The following MYH9 variants were observed in gnomAD, a reference collection of about 807,000 sequenced individuals.
The protein encoded by MYH9 is myosin heavy chain 9, also known as myosin-9.
Under a neutral mutation model 241.9 loss-of-function variants are expected in MYH9, and 29 were observed. That is an observed-to-expected ratio of 0.12 (90% confidence interval 0.09 to 0.16). The LOEUF (loss-of-function observed/expected upper bound fraction) is 0.16, where lower values mean the gene tolerates loss of function less well. Ranked by LOEUF, MYH9 falls within the 10% of genes least tolerant of loss-of-function variation. MYH9 has a pLI of 1.00. For missense variants in MYH9, 1,803 were observed against 2,595.5 expected, an observed-to-expected ratio of 0.69 and a Z score of 6.63; for synonymous variants, 1,047 against 1,062.6, an observed-to-expected ratio of 0.99 and a Z score of 0.29.
Position 36,329,975 on chromosome 22 carries a change from AAC to A in MYH9, c.491-2489_491-2488del, listed in dbSNP as rs1163011993. Among the ~76,000 whole-genome samples, 1 of 152,266 alleles carries A rather than the reference AAC, an allele frequency of 6.6e-6. No individual in the cohort carries two copies. The highest frequency in any genetic ancestry group is 2.4e-5 in the African/African-American group (1 of 41,460). ...ATGCATATCCACAAGCACAAGTGCA[AAC>A]ACAGGCACGCAAGGCACATGTATTC... On this transcript the variant is annotated intron_variant, in intron 3 of 40. Transcript: ENST00000216181. The surrounding 1 kb of genome is among the most constrained non-coding windows in gnomAD (Gnocchi z 4.1).
chr22:36,360,854 C>G (rs1056219101), intron 1 of MYH9, among the ~76,000 whole-genome samples: 6 of 152,318 alleles, frequency 3.9e-5, no homozygotes, highest in Non-Finnish European at 8.8e-5. Context: ...GGCAGAAGAG[C>G]TGGATTTGAG....
chr22:36,301,846 G>C, intron 20 of MYH9, 181 bp from the exon 21 acceptor site: 1 of 713,560 alleles, frequency 1.4e-6, no homozygotes, highest in Non-Finnish European at 2.4e-6. Flanking sequence ...CTTCTGACCC[G>C]CTAACTACAT....
chr22:36,293,452 C>T lies in MYH9; in HGVS notation c.3972G>A (p.Lys1324=), dbSNP rs1244606197. The change falls in exon 30 of 41, where the codon AAG becomes AAA. Residue 1324 remains lysine (K), a synonymous_variant. Coordinates refer to ENST00000216181, the MANE Select transcript of MYH9 (RefSeq NM_002473.6). The surrounding 1 kb of genome is among the most constrained non-coding windows in gnomAD (Gnocchi z 5.1). ...QELLQEENRQ[K]LSLSTKLKQV... ...GCTTGAGCTTGGTGCTCAGGCTCAG[C>T]TTCTGCCGGTTCTCCTCCTGCAGCA... 3 of 1,613,578 alleles carry T rather than the reference C, an allele frequency of 1.9e-6. No individual in the cohort carries two copies. The highest frequency in any genetic ancestry group is 2.5e-6 in the Non-Finnish European group (3 of 1,180,034).
Position 36,288,845 on chromosome 22 carries a change from G to C in MYH9, c.4652C>G (p.Thr1551Ser). The C allele has an allele frequency of 6.2e-7, 1 of 1,613,676 alleles. No homozygotes were observed. Among genetic ancestry groups the C allele is most frequent in the Non-Finnish European group, 8.5e-7 (1 of 1,179,948 alleles). The change falls in exon 33 of 41, where the codon ACC (threonine) becomes AGC (serine). Residue 1551 changes from threonine to serine, a missense_variant. Thr to Ser is a moderately conservative substitution (Grantham distance 58). Transcript: ENST00000216181. The surrounding 1 kb of genome is among the most constrained non-coding windows in gnomAD (Gnocchi z 4.8). Reference sequence around the variant, plus strand: ...CTCCAACCGCAGCTTGGCATCTTCGGTGGCCTGCAGCTCGTCCTCCAGCTC... The same window carrying C: ...CTCCAACCGCAGCTTGGCATCTTCGCTGGCCTGCAGCTCGTCCTCCAGCTC... ...LEELEDELQA[T>S]EDAKLRLEVN...
intron 5 of MYH9, among the ~76,000 whole-genome samples, 181 bp from the exon 6 acceptor site, chr22:36,322,702 G>A (rs2017274379): frequency 1.3e-5 from 2 of 152,258 alleles, no homozygotes; most frequent in Non-Finnish European, 2.9e-5. Context: ...TATCATCCAA[G>A]TGCGGCCTTC....
intron 31 of MYH9, among the ~76,000 whole-genome samples, chr22:36,291,726 T>C (rs989058122): frequency 2.1e-5 from 3 of 142,712 alleles, no homozygotes; most frequent in African/African-American, 7.8e-5. Flanking sequence ...ACCAGTTCAT[T>C]AGAGAAAATC....
intron 14 of MYH9, among the ~76,000 whole-genome samples, chr22:36,309,652 A>G (rs899478813): frequency 6.6e-6 from 1 of 152,240 alleles, no homozygotes; most frequent in Non-Finnish European, 1.5e-5. Context: ...GGCTCTAGAC[A>G]TGGCATGGTG....
intron 1 of MYH9, among the ~76,000 whole-genome samples, chr22:36,357,338 C>T (rs1008406061): frequency 5.3e-5 from 8 of 152,152 alleles, no homozygotes; most frequent in Admixed American, 1.3e-4. Flanking sequence ...CAAGAGCCAA[C>T]GTACAGGAAG....
Position 36,309,313 on chromosome 22 carries a change from A to C in MYH9, c.1812T>G (p.Ser604=). 1.2e-6 allele frequency: 2 copies of C among 1,614,226 alleles called. No individual in the cohort carries two copies. The highest frequency in any genetic ancestry group is 2.2e-5 in the East Asian group (1 of 44,888). The part of the protein sequence containing the change: ...DNIATLLHQS[S]DKFVSELWKD... Reference sequence around the variant, plus strand: ...TCCACAGCTCCGAGACAAACTTGTCAGAGGACTGGTGGAGCAGTGTGGCGA... The same window carrying C: ...TCCACAGCTCCGAGACAAACTTGTCCGAGGACTGGTGGAGCAGTGTGGCGA... The change falls in exon 15 of 41, where the codon TCT becomes TCG. Residue 604 remains serine (S), a synonymous_variant. Coordinates refer to ENST00000216181, the MANE Select transcript of MYH9 (RefSeq NM_002473.6).
In MYH9 at chr22:36,300,003, C is replaced by A; in HGVS notation, c.2976+124G>T. 7.1e-7 allele frequency: 1 copy of A among 1,402,268 alleles called. No homozygotes were observed. The highest frequency in any genetic ancestry group is 2.3e-5 in the East Asian group (1 of 43,564). The allele number at this position is 1,402,268 out of a possible 1,614,324, so 86.9% of individuals were successfully genotyped here. A position where few individuals can be genotyped will look rare whatever the true frequency, so the allele number is the denominator to read the frequency against. On this transcript the variant is annotated intron_variant, in intron 23 of 40. Transcript: ENST00000216181. The surrounding 1 kb of genome is among the most constrained non-coding windows in gnomAD (Gnocchi z 5.0). ...GAGCACTTGCAGTTAAGCAGAAGCC[C>A]TCATGCTGCAGGCAGAAGAGACAGG...
At chr22:36,350,402 T>C (rs978368277) in intron 1 of MYH9, among the ~76,000 whole-genome samples, 1 of 152,166 alleles carries the variant, frequency 6.6e-6, no homozygotes, top group Non-Finnish European at 1.5e-5. Flanking sequence ...CAGGGCGTGG[T>C]GGCGCATGCC....
At position 36,305,866 on chromosome 22, in the gene MYH9, A is replaced by C. The variant is rs995035177; in HGVS notation, c.2159+64T>G. The C allele has an allele frequency of 9.3e-6, 15 of 1,608,664 alleles. No individual in the cohort carries two copies. In the African/African-American group the frequency reaches 1.7e-4, roughly 19 times the overall value. On this transcript the variant is annotated intron_variant, in intron 17 of 40. Coordinates refer to ENST00000216181, the MANE Select transcript of MYH9 (RefSeq NM_002473.6). The surrounding 1 kb of genome is among the most constrained non-coding windows in gnomAD (Gnocchi z 4.7). Reference sequence around the variant, plus strand: ...GGATCCTGCCAGGGAGCAGCAGCCCACCTCTGGGACTCACTGCACGCACAG... The same window carrying C: ...GGATCCTGCCAGGGAGCAGCAGCCCCCCTCTGGGACTCACTGCACGCACAG...
intron 1 of MYH9, among the ~76,000 whole-genome samples, chr22:36,387,160 G>GC (rs2018366176): frequency 6.6e-6 from 1 of 152,228 alleles, no homozygotes; most frequent in Non-Finnish European, 1.5e-5. Flanking sequence ...GGCAGCCGCC[G>GC]CACCTCCCCC....
At position 36,363,898 on chromosome 22, in the gene MYH9, C is replaced by G. The variant is rs546517791; in HGVS notation, c.-19-14643G>C. On this transcript the variant is annotated intron_variant, in intron 1 of 40. Coordinates refer to ENST00000216181, the MANE Select transcript of MYH9 (RefSeq NM_002473.6). ...CTTCCCACACCCCCAGGAGGGGGAACTTGAACCCTTCAGATTCCTGCAGCA... is the reference window on the plus strand; with the variant it reads ...CTTCCCACACCCCCAGGAGGGGGAAGTTGAACCCTTCAGATTCCTGCAGCA... Among the ~76,000 whole-genome samples the G allele has an allele frequency of 9.8e-5, 15 of 152,368 alleles. No homozygotes were observed. In the South Asian group the frequency reaches 2.5e-3, roughly 25 times the overall value.
chr22:36,355,461 C>T (rs2017840120), intron 1 of MYH9, among the ~76,000 whole-genome samples: 1 of 152,106 alleles, frequency 6.6e-6, no homozygotes, highest in African/African-American at 2.4e-5. Context: ...GAACAGCTAG[C>T]ACCTTAAAGA....
intron 1 of MYH9, among the ~76,000 whole-genome samples, chr22:36,364,448 T>TA (rs1414872611): frequency 6.6e-6 from 1 of 152,160 alleles, no homozygotes; most frequent in Non-Finnish European, 1.5e-5. Context: ...TGCCTGATGT[T>TA]AAGCCCAATC....
chr22:36,383,647 C>G (rs888292844), intron 1 of MYH9, among the ~76,000 whole-genome samples: 18 of 130,650 alleles, frequency 1.4e-4, no homozygotes, highest in African/African-American at 4.7e-4. Flanking sequence ...TAAGACTGAT[C>G]ATTTATATTA....
At chr22:36,348,773 C>T (rs1291838257) in intron 2 of MYH9, 131 bp downstream of exon 2, 1 of 830,010 alleles carries the variant, frequency 1.2e-6, no homozygotes, top group Non-Finnish European at 2.0e-6. Flanking sequence ...GTCACCCCAG[C>T]ACTCCTTCAA....
rs1281759953 is a variant in MYH9 at position 36,301,053 on chromosome 22, A to G, written c.2636T>C (p.Met879Thr). The G allele has an allele frequency of 1.2e-5, 19 of 1,609,422 alleles. No homozygotes were observed. The highest frequency in any genetic ancestry group is 1.6e-5 in the Non-Finnish European group (19 of 1,179,968). ...TEMETLQSQLMAEKLQLQEQL... is the reference protein window; with the variant it reads ...TEMETLQSQLTAEKLQLQEQL... ...CTCCTGCAGCTGCAATTTCTCTGCC[A>G]TGAGCTGCAAACAACAAGTGGAAAA... The change falls in exon 22 of 41, where the codon ATG becomes ACG. Residue 879 changes from methionine (M) to threonine (T), a missense_variant. This residue lies in a region of MYH9 where 290 missense variants were observed against 360.5 expected (regional missense o/e 0.80). Transcript: ENST00000216181.
Sources: allele counts gnomAD v4.1 joint callset (sites outside exome capture counted in the v4.1 genomes callset), GRCh38; gene constraint gnomAD v4.1.1; regional missense constraint gnomAD v4.1.1; non-coding constraint Gnocchi (gnomAD v3.1); transcripts MANE v1.5; gene names NCBI Gene and HGNC (gene_info 2026-07-23, HGNC 2026-07-21).